SH3PXD2B: variants seen among roughly 807,000 people sequenced by gnomAD.
The protein encoded by SH3PXD2B is SH3 and PX domain-containing protein 2B.
SH3PXD2B carries 37 observed loss-of-function variants against 73.1 expected under a neutral mutation model. The observed-to-expected ratio is 0.51, with a 90% CI of 0.39 to 0.67. The LOEUF (loss-of-function observed/expected upper bound fraction) is 0.67. Among genes scored for constraint, SH3PXD2B ranks in the 30% least tolerant of loss-of-function variants. The pLI, the probability that SH3PXD2B is intolerant of heterozygous loss-of-function variation, is 0.00. For synonymous variants in SH3PXD2B, 457 were observed against 480.5 expected, an observed-to-expected ratio of 0.95 and a Z score of 0.64; for missense variants, 1,053 against 1,197.8, an observed-to-expected ratio of 0.88 and a Z score of 1.78.
intron 3 of SH3PXD2B, among the ~76,000 whole-genome samples, chr5:172,400,183 A>G (rs1225476313): frequency 6.6e-6 from 1 of 152,136 alleles, no homozygotes; most frequent in Admixed American, 6.5e-5. Context: ...ACTGGGAGAT[A>G]CCCCATACTT....
rs766615424 is a variant in SH3PXD2B at position 172,339,325 on chromosome 5, T to C, written c.1780A>G (p.Met594Val). The C allele has an allele frequency of 6.2e-7, 1 of 1,614,172 alleles. No individual in the cohort carries two copies. Among genetic ancestry groups the C allele is most frequent in the Non-Finnish European group, 8.5e-7 (1 of 1,180,010 alleles). Residue 594 changes from methionine (M) to valine (V), a missense_variant, in exon 13 of 13, where the codon ATG becomes GTG. Around this residue, in one of 2 missense-constraint regions of SH3PXD2B, gnomAD observed 587 missense variants for 590.7 expected, o/e 0.99. Coordinates refer to ENST00000311601, the MANE Select transcript of SH3PXD2B (RefSeq NM_001017995.3). This position sits in a 1 kb window ranked among gnomAD's most constrained non-coding sequence, Gnocchi z 6.1. ...ACCTTGTGGCCACACTCCAGCCCCA[T>C]GTCATTTTTCAGCTGGAACAGTCTG... ...KSRLFQLKNDMGLECGHKVLA... is the reference protein window; with the variant it reads ...KSRLFQLKNDVGLECGHKVLA...
chr5:172,436,371 C>G (rs1759385889), intron 1 of SH3PXD2B, among the ~76,000 whole-genome samples: 1 of 152,252 alleles, frequency 6.6e-6, no homozygotes, highest in African/African-American at 2.4e-5. Context: ...AAATCATCAC[C>G]AGAACTGCCT....
chr5:172,425,704 T>C (rs1759080450), intron 1 of SH3PXD2B, among the ~76,000 whole-genome samples: 1 of 150,396 alleles, frequency 6.6e-6, no homozygotes, highest in Non-Finnish European at 1.5e-5. Flanking sequence ...CTGAAGAGCT[T>C]GAAGGGGTGG....
At chr5:172,369,263 TAAGAGCTGTA>T (rs1271607884) in intron 6 of SH3PXD2B, among the ~76,000 whole-genome samples, 2 of 151,790 alleles carry the variant, frequency 1.3e-5, no homozygotes, top group Non-Finnish European at 2.9e-5. Flanking sequence ...AAATATTTTT[TAAGAGCTGTA>T]AAGAAGGAGA....
At chr5:172,325,305 T>G in exon 13 of SH3PXD2B, 4 of 1,535,438 alleles carry the variant, frequency 2.6e-6, no homozygotes, top group South Asian at 1.2e-5. Context: ...GCCACGTGCT[T>G]CCCAAGTGCT....
chr5:172,346,921 T>A (rs1561895295), intron 11 of SH3PXD2B, among the ~76,000 whole-genome samples: 1 of 152,194 alleles, frequency 6.6e-6, no homozygotes, highest in Non-Finnish European at 1.5e-5. Context: ...TAATGGATTA[T>A]GAGCGCAGAA....
At chr5:172,329,040 T>TACATATATACA (rs201910467), downstream of SH3PXD2B, among the ~76,000 whole-genome samples, 837 of 119,048 alleles carry the variant, frequency 7.0e-3, 15 homozygotes, top group African/African-American at 0.025. Context: ...TACGTATATA[T>TACATATATACA]ATGTATGTGT....
intron 1 of SH3PXD2B, among the ~76,000 whole-genome samples, chr5:172,439,197 G>A (rs558993527): frequency 2.8e-5 from 4 of 141,722 alleles, no homozygotes; most frequent in African/African-American, 5.3e-5. Context: ...GCAAGATCAC[G>A]CCACTGCACT....
At chr5:172,328,582 T>C (rs1035430), downstream of SH3PXD2B, among the ~76,000 whole-genome samples, 95,069 of 151,968 alleles carry the variant, frequency 0.63, 30,061 homozygotes, top group South Asian at 0.84. Context: ...GAGTGGGATC[T>C]GAGAGATAGA....
intron 2 of SH3PXD2B, among the ~76,000 whole-genome samples, chr5:172,408,909 G>T (rs1327797767): frequency 1.3e-5 from 2 of 151,928 alleles, no homozygotes; most frequent in Non-Finnish European, 2.9e-5. Context: ...ATATATTCAT[G>T]GGGTACATTA....
intron 9 of SH3PXD2B, among the ~76,000 whole-genome samples, chr5:172,352,428 T>C (rs1275275126): frequency 6.6e-6 from 1 of 152,022 alleles, no homozygotes; most frequent in Admixed American, 6.6e-5. Context: ...GATCATGCTA[T>C]GTTGCCCGGG....
At chr5:172,438,422 T>C (rs1759443726) in intron 1 of SH3PXD2B, among the ~76,000 whole-genome samples, 1 of 152,252 alleles carries the variant, frequency 6.6e-6, no homozygotes, top group Middle Eastern at 3.4e-3. Flanking sequence ...CCCCAGTGCC[T>C]GGCGACAATG....
chr5:172,364,021 G>C (rs980148168), intron 6 of SH3PXD2B, among the ~76,000 whole-genome samples: 1 of 152,320 alleles, frequency 6.6e-6, no homozygotes, highest in East Asian at 1.9e-4. Flanking sequence ...AGGAGGGAAC[G>C]AAGTAGAGAG....
chr5:172,338,758 A>G lies in SH3PXD2B; in HGVS notation c.2347T>C (p.Cys783Arg). 2 of 1,614,176 alleles carry G rather than the reference A, an allele frequency of 1.2e-6. No individual in the cohort carries two copies. The highest frequency in any genetic ancestry group is 1.7e-6 in the Non-Finnish European group (2 of 1,180,036). The change falls in exon 13 of 13, where the codon TGT becomes CGT. Residue 783 changes from cysteine (C) to arginine (R), a missense_variant. Coordinates refer to ENST00000311601, the MANE Select transcript of SH3PXD2B (RefSeq NM_001017995.3). The surrounding 1 kb of genome is among the most constrained non-coding windows in gnomAD (Gnocchi z 5.1). ...RPLPEVRGPQCEGHESRAAPT... is the reference protein window; with the variant it reads ...RPLPEVRGPQREGHESRAAPT... ...GCTGCCCTGCTTTCGTGGCCTTCACACTGTGGACCTCTGACCTCTGGGAGC... is the reference window on the plus strand; with the variant it reads ...GCTGCCCTGCTTTCGTGGCCTTCACGCTGTGGACCTCTGACCTCTGGGAGC...
intron 12 of SH3PXD2B, among the ~76,000 whole-genome samples, chr5:172,327,149 C>T (rs1417332111): frequency 3.3e-5 from 5 of 152,250 alleles, no homozygotes; most frequent in East Asian, 3.9e-4. Context: ...CATGAACCAC[C>T]GCGCCTGGCC....
Position 172,421,462 on chromosome 5 carries a change from T to A in SH3PXD2B, c.156+954A>T, listed in dbSNP as rs771376613. On this transcript the variant is annotated intron_variant, in intron 2 of 12. Coordinates refer to ENST00000311601, the MANE Select transcript of SH3PXD2B (RefSeq NM_001017995.3). The surrounding 1 kb of genome is among the most constrained non-coding windows in gnomAD (Gnocchi z 4.0). Reference sequence around the variant, plus strand: ...TGTGTGTTAGGCCTTGAATAAACTATTAAGGACAGACAGGAAGAGAAAGAT... The same window carrying A: ...TGTGTGTTAGGCCTTGAATAAACTAATAAGGACAGACAGGAAGAGAAAGAT... Among the ~76,000 whole-genome samples, 6 of 152,146 alleles carry A rather than the reference T, an allele frequency of 3.9e-5. No homozygotes were observed. Among genetic ancestry groups the A allele is most frequent in the Non-Finnish European group, 5.9e-5 (4 of 68,026 alleles).
At chr5:172,398,373 A>C (rs1033130787) in intron 3 of SH3PXD2B, among the ~76,000 whole-genome samples, 1 of 152,242 alleles carries the variant, frequency 6.6e-6, no homozygotes, top group African/African-American at 2.4e-5. Flanking sequence ...ATCAATGGAA[A>C]GTACTTCCTC....
At chr5:172,389,653 G>C (rs1396962983) in intron 4 of SH3PXD2B, among the ~76,000 whole-genome samples, 4 of 151,500 alleles carry the variant, frequency 2.6e-5, no homozygotes, top group Non-Finnish European at 5.9e-5. Flanking sequence ...TTGAGCCTAG[G>C]AGACTGAGGT....
At chr5:172,416,214 G>C (rs560035271) in intron 2 of SH3PXD2B, among the ~76,000 whole-genome samples, 3 of 152,268 alleles carry the variant, frequency 2.0e-5, no homozygotes, top group East Asian at 3.9e-4. Context: ...TGTAGTCTCA[G>C]CTACTCGGGA....
Sources: allele counts gnomAD v4.1 joint callset (sites outside exome capture counted in the v4.1 genomes callset), GRCh38; gene constraint gnomAD v4.1.1; regional missense constraint gnomAD v4.1.1; non-coding constraint Gnocchi (gnomAD v3.1); transcripts MANE v1.5; gene names NCBI Gene and HGNC (gene_info 2026-07-23, HGNC 2026-07-21).